Variants in DNAH3 observed in about 807,000 individuals in gnomAD.
DNAH3 encodes axonemal beta dynein heavy chain 3.
Under a neutral mutation model 432.5 loss-of-function variants are expected in DNAH3, and 332 were observed. The observed-to-expected ratio is 0.77, with a 90% CI of 0.70 to 0.84. The LOEUF is 0.84. DNAH3 is among the 40% of genes least tolerant of loss of function. The pLI, the probability that DNAH3 is intolerant of heterozygous loss-of-function variation, is 0.00. For synonymous variants in DNAH3, 1,956 were observed against 1,900.2 expected, an observed-to-expected ratio of 1.03 and a Z score of -0.76; for missense variants, 4,861 against 5,114.0, an observed-to-expected ratio of 0.95 and a Z score of 1.51.
chr16:21,112,947 T>C (rs1475081870), intron 12 of DNAH3, among the ~76,000 whole-genome samples: 1 of 152,222 alleles, frequency 6.6e-6, no homozygotes, highest in Non-Finnish European at 1.5e-5. Context: ...CCAATACCTG[T>C]ACCCCCATTG....
Position 21,070,118 on chromosome 16 carries a change from G to A in DNAH3, c.3202-524C>T, listed in dbSNP as rs372018704. ...CAGGAGGCCAAACCCCTATCTTCGGGTAGCTTACATTCTAGATTACTACCA... is the reference window on the plus strand; with the variant it reads ...CAGGAGGCCAAACCCCTATCTTCGGATAGCTTACATTCTAGATTACTACCA... On this transcript the variant is annotated intron_variant, in intron 22 of 61. Coordinates refer to ENST00000261383, the Ensembl canonical transcript of DNAH3. 1.5e-3 allele frequency among the ~76,000 whole-genome samples: 230 copies of A among 152,204 alleles called. 7 individuals carry two copies. The South Asian group carries it at 0.046, about 30-fold the overall frequency.
At chr16:21,011,304 A>C (rs2087591510) in intron 41 of DNAH3, among the ~76,000 whole-genome samples, 1 of 152,138 alleles carries the variant, frequency 6.6e-6, no homozygotes, top group African/African-American at 2.4e-5. Context: ...AATGTAAAGG[A>C]ATGTCATATG....
At chr16:20,952,492 A>T (rs749449495) in exon 56 of DNAH3, 1 of 1,613,620 alleles carries the variant, frequency 6.2e-7, no homozygotes. Context: ...AAACATCTGG[A>T]TCTGCCACAT....
At chr16:21,146,508 A>T (rs1041499840) in intron 1 of DNAH3, among the ~76,000 whole-genome samples, 1 of 152,194 alleles carries the variant, frequency 6.6e-6, no homozygotes, top group Non-Finnish European at 1.5e-5. Flanking sequence ...GTGAGCTGAG[A>T]TTGCACTCTG....
chr16:21,129,791 C>A (rs201229368), intron 7 of DNAH3, among the ~76,000 whole-genome samples: 14 of 137,634 alleles, frequency 1.0e-4, no homozygotes, highest in African/African-American at 3.8e-4. Context: ...CATTAGTGGA[C>A]AGGGGTAGCG....
At position 20,985,739 on chromosome 16, in the gene DNAH3, G is replaced by A. The variant is rs201070186; in HGVS notation, c.7027-24C>T. ...ACCTGTAAGAAAAGTAAATCTCGGC[G>A]GGGCATTCAGTGAATGGCCCAGCCA... On this transcript the variant is annotated intron_variant, in intron 47 of 61. Transcript: ENST00000261383. 265 of 1,600,056 alleles carry A rather than the reference G, an allele frequency of 1.7e-4. No homozygotes were observed. In the African/African-American group the frequency reaches 2.2e-3, roughly 13 times the overall value.
At chr16:20,940,453 G>A (rs1295945190) in intron 59 of DNAH3, among the ~76,000 whole-genome samples, 2 of 152,018 alleles carry the variant, frequency 1.3e-5, no homozygotes, top group South Asian at 2.1e-4. Context: ...AAGGGATAGG[G>A]TCTTTCTCTG....
rs752684567 is a variant in DNAH3 at position 21,104,499 on chromosome 16, C to A, written c.2338G>T (p.Asp780Tyr). 19 of 1,613,868 alleles carry A rather than the reference C, an allele frequency of 1.2e-5. No individual in the cohort carries two copies. The African/African-American group carries it at 1.5e-4, about 12-fold the overall frequency. Residue 780 changes from aspartate (D) to tyrosine (Y), a missense_variant, in exon 16 of 62, where the codon GAT becomes TAT. By Grantham distance (160) the Asp-to-Tyr change is radical. Coordinates refer to ENST00000261383, the Ensembl canonical transcript of DNAH3. The stretch of plus-strand genomic sequence containing the variant: ...TTAATCAGATCCATTTCTGCCTGAT[C>A]CCTCTTGTGAAGGAGCAAGTTCCGG...
chr16:21,102,437 G>A (rs2091859315), intron 16 of DNAH3, among the ~76,000 whole-genome samples: 1 of 152,136 alleles, frequency 6.6e-6, no homozygotes, highest in South Asian at 2.1e-4. Context: ...TCCCCACAGA[G>A]GTCCCTGTTC....
exon 3 of DNAH3, chr16:21,145,234 G>T (rs374607064): frequency 2.5e-6 from 4 of 1,613,122 alleles, no homozygotes; most frequent in Non-Finnish European, 3.4e-6. Context: ...GATGGTGGCC[G>T]GTTGGTAGAC....
In DNAH3 at chr16:20,935,280, T is replaced by G. The variant is rs200906287; in HGVS notation, c.11997+68A>C. On this transcript the variant is annotated intron_variant, in intron 61 of 61. Coordinates refer to ENST00000261383, the Ensembl canonical transcript of DNAH3. ...TAACACATCCACATTTTTTGACTCATAAGGAAATTGGCAACATTGCTTTCT... is the reference window on the plus strand; with the variant it reads ...TAACACATCCACATTTTTTGACTCAGAAGGAAATTGGCAACATTGCTTTCT... 1,212 of 1,587,150 alleles carry G rather than the reference T, an allele frequency of 7.6e-4. 1 individual carries two copies. Among genetic ancestry groups the G allele is most frequent in the Non-Finnish European group, 9.1e-4 (1,057 of 1,163,896 alleles).
chr16:21,067,769 T>A lies in DNAH3; in HGVS notation c.3382-350A>T, dbSNP rs75709054. Among the ~76,000 whole-genome samples, 125 of 21,592 alleles carry A rather than the reference T, an allele frequency of 5.8e-3. 1 individual carries two copies. Among genetic ancestry groups the A allele is most frequent in the Middle Eastern group, 0.021 (1 of 48 alleles). The allele number at this position is 21,592 out of a possible 152,430, so 14.2% of individuals were successfully genotyped here. A position where few individuals can be genotyped will look rare whatever the true frequency, so the allele number is the denominator to read the frequency against. On this transcript the variant is annotated intron_variant, in intron 23 of 61. Transcript: ENST00000261383. ...AGAAAGCCAGTCTTGGGGGGGGGGG[T>A]GGGGAGGGAGAGAGAGAGAGAGAGA... is the stretch of plus-strand genomic sequence containing the variant.
chr16:21,032,269 AG>A (rs964334920), intron 36 of DNAH3, among the ~76,000 whole-genome samples: 2 of 152,304 alleles, frequency 1.3e-5, no homozygotes, highest in African/African-American at 4.8e-5. Flanking sequence ...ACAGGTAAAA[AG>A]GTTCTGAAAA....
chr16:20,984,067 A>T (rs2086059133), intron 48 of DNAH3, among the ~76,000 whole-genome samples: 1 of 150,024 alleles, frequency 6.7e-6, no homozygotes, highest in African/African-American at 2.4e-5. Context: ...CGATGGTTTG[A>T]AAAGATGAAG....
Position 20,987,477 on chromosome 16 carries a change from G to T in DNAH3, c.6883-29C>A, listed in dbSNP as rs773024888. ...AAAATCCAGAGTTAATTATTCAAACGAGTGGAAGATGGTCCCTGAGGTGGT... is the reference window on the plus strand; with the variant it reads ...AAAATCCAGAGTTAATTATTCAAACTAGTGGAAGATGGTCCCTGAGGTGGT... On this transcript the variant is annotated intron_variant, in intron 46 of 61. Transcript: ENST00000261383. 3.7e-6 allele frequency: 6 copies of T among 1,612,874 alleles called. No individual in the cohort carries two copies. The African/African-American group carries it at 8.0e-5, about 22-fold the overall frequency.
chr16:20,951,887 G>A (rs1333636582), intron 56 of DNAH3, among the ~76,000 whole-genome samples: 1 of 151,898 alleles, frequency 6.6e-6, no homozygotes, highest in African/African-American at 2.4e-5. Flanking sequence ...GGGACTACAG[G>A]CACTGGCCAC....
exon 31 of DNAH3, chr16:21,049,645 T>C: frequency 1.9e-6 from 3 of 1,614,134 alleles, no homozygotes; most frequent in Non-Finnish European, 1.7e-6. Flanking sequence ...CCCCATAGCT[T>C]TGTAATCCAA....
At chr16:20,970,831 T>A (rs1452513606) in intron 51 of DNAH3, among the ~76,000 whole-genome samples, 1 of 151,618 alleles carries the variant, frequency 6.6e-6, no homozygotes, top group Non-Finnish European at 1.5e-5. Context: ...GTCTTTGTCT[T>A]CCCAGTATGG....
rs757565398 is a variant in DNAH3 at position 21,152,982 on chromosome 16, G to A, written c.117+6343C>T. On this transcript the variant is annotated intron_variant, in intron 1 of 61. Coordinates refer to ENST00000261383, the Ensembl canonical transcript of DNAH3. Reference sequence around the variant, plus strand: ...GACCACCCAAGGGCTGAGGAGTGCGGGCCCACGGCGCGGGACTGGCAGGCA... The same window carrying A: ...GACCACCCAAGGGCTGAGGAGTGCGAGCCCACGGCGCGGGACTGGCAGGCA... Among the ~76,000 whole-genome samples, 157 of 152,356 alleles carry A rather than the reference G, an allele frequency of 1.0e-3. 1 individual carries two copies. Among genetic ancestry groups the A allele is most frequent in the Non-Finnish European group, 1.8e-3 (121 of 68,034 alleles).
Sources: allele counts gnomAD v4.1 joint callset (sites outside exome capture counted in the v4.1 genomes callset), GRCh38; gene constraint gnomAD v4.1.1; transcripts MANE v1.5; gene names NCBI Gene and HGNC (gene_info 2026-07-23, HGNC 2026-07-21).